BBS2: variants seen among roughly 807,000 people sequenced by gnomAD.
The protein encoded by BBS2 is Bardet-Biedl syndrome 2.
A neutral mutation model predicts 83.0 loss-of-function variants in BBS2; 62 were observed. That is an observed-to-expected ratio of 0.75 (90% CI 0.61 to 0.92). The LOEUF (loss-of-function observed/expected upper bound fraction) is 0.92, where lower values mean the gene tolerates loss of function less well. Among genes scored for constraint, BBS2 ranks in the 40% least tolerant of loss-of-function variants. The pLI, the probability that BBS2 is intolerant of heterozygous loss-of-function variation, is 0.00. For synonymous variants in BBS2, 303 were observed against 326.1 expected (o/e 0.93, Z 0.76); for missense variants, 784 against 901.0 (o/e 0.87, Z 1.66).
chr16:56,501,588 C>T, intron 9 of BBS2, 91 bp from the exon 10 acceptor site: 3 of 1,490,784 alleles, frequency 2.0e-6, no homozygotes, highest in Non-Finnish European at 2.8e-6. Flanking sequence ...CTTCAAAAGA[C>T]AGAGCCTCCA....
In BBS2 at chr16:56,509,969, C is replaced by A; in HGVS notation, c.600G>T (p.Met200Ile). The A allele has an allele frequency of 1.2e-6, 2 of 1,614,058 alleles. No homozygotes were observed. Among genetic ancestry groups the A allele is most frequent in the South Asian group, 1.1e-5 (1 of 91,052 alleles). The stretch of plus-strand genomic sequence containing the variant: ...TGGAGCTTCTTACCTCTGTTTCTGT[C>A]ATTTCTGCCACAATCTCATCTTCCT... ...VFKEDEIVAE[M>I]TETEIVTSLC... is the part of the protein sequence containing the mutation. Residue 200 changes from methionine to isoleucine, a missense_variant, in exon 5 of 17, where the codon ATG (methionine) becomes ATT (isoleucine). Met to Ile is a conservative substitution (Grantham distance 10). Transcript: ENST00000245157.
At chr16:56,480,684 T>C (rs1408260156), downstream of BBS2, among the ~76,000 whole-genome samples, 2 of 152,152 alleles carry the variant, frequency 1.3e-5, no homozygotes, top group South Asian at 2.1e-4. Flanking sequence ...ATAAGAAGTT[T>C]TGGGGTGCAT....
chr16:56,477,815 C>T (rs1437470797), intron 17 of BBS2: 1 of 152,114 alleles, frequency 6.6e-6, no homozygotes, highest in Non-Finnish European at 1.5e-5. Flanking sequence ...GGCCTTTAAA[C>T]TTCTTAACTA....
In BBS2 at chr16:56,502,798, C is replaced by T. The variant is rs762922907; in HGVS notation, c.815G>A (p.Arg272Gln). Residue 272 changes from arginine to glutamine, a missense_variant, in exon 8 of 17, where the codon CGA becomes CAA. Coordinates refer to ENST00000245157, the MANE Select transcript of BBS2 (RefSeq NM_031885.5). Reference sequence around the variant, plus strand: ...GATGACCTCCCCAGTTCGGTCACTTCGAGCATCAACCTACAAATAAAACAC... The same window carrying T: ...GATGACCTCCCCAGTTCGGTCACTTTGAGCATCAACCTACAAATAAAACAC... The part of the protein sequence containing the change: ...TGWSNGKVDA[R>Q]SDRTGEVIFK... 1.9e-5 allele frequency: 31 copies of T among 1,613,986 alleles called. No homozygotes were observed. The highest frequency in any genetic ancestry group is 8.9e-5 in the East Asian group (4 of 44,890).
chr16:56,509,838 G>T, intron 5 of BBS2, 119 bp downstream of exon 5: 1 of 984,140 alleles, frequency 1.0e-6, no homozygotes. Context: ...CCCTCCCCAA[G>T]CTTTTATCCT....
At chr16:56,496,180 A>C (rs566607749) in intron 15 of BBS2, among the ~76,000 whole-genome samples, 4 of 152,294 alleles carry the variant, frequency 2.6e-5, no homozygotes, top group Non-Finnish European at 1.5e-5. Flanking sequence ...TAATTTGTTA[A>C]CTATTTTACT....
chr16:56,470,937 TCTTTGGG>T, intron 17 of BBS2: 1 of 756,572 alleles, frequency 1.3e-6, no homozygotes, highest in Non-Finnish European at 2.1e-6. Context: ...AGGTCTCTGG[TCTTTGGG>T]AGCTTACATT....
chr16:56,472,534 A>G (rs1204065894), intron 17 of BBS2, among the ~76,000 whole-genome samples: 1 of 152,256 alleles, frequency 6.6e-6, no homozygotes, highest in African/African-American at 2.4e-5. Flanking sequence ...AGTGCTAAAC[A>G]TTGGCATAGC....
At chr16:56,476,428 T>C in intron 17 of BBS2, 1 of 363,990 alleles carries the variant, frequency 2.7e-6, no homozygotes. Flanking sequence ...TGGCTTTTTT[T>C]TTTTTAACAT....
downstream of BBS2, among the ~76,000 whole-genome samples, chr16:56,480,359 A>AACAAAAAAC (rs1555519792): frequency 7.0e-6 from 1 of 142,802 alleles, no homozygotes; most frequent in Non-Finnish European, 1.5e-5. Flanking sequence ...ACACAAAAAA[A>AACAAAAAAC]AAAAAACAAA....
intron 5 of BBS2, among the ~76,000 whole-genome samples, chr16:56,508,438 G>A (rs1173560458): frequency 1.3e-5 from 2 of 152,158 alleles, no homozygotes; most frequent in Admixed American, 6.5e-5. Context: ...CACTTACAAC[G>A]TTCACAAGCT....
chr16:56,478,834 A>C (rs932749461), intron 17 of BBS2: 1 of 152,170 alleles, frequency 6.6e-6, no homozygotes, highest in Admixed American at 6.5e-5. Context: ...TAGGAGCCCA[A>C]CTCTGATGTT....
intron 10 of BBS2, 67 bp from the exon 11 acceptor site, chr16:56,501,092 C>T (rs1179282230): frequency 7.1e-6 from 11 of 1,554,736 alleles, no homozygotes; most frequent in African/African-American, 2.7e-5. Context: ...GGGCAGATCA[C>T]GAGGTCAGGA....
At chr16:56,499,684 T>C in intron 12 of BBS2, 94 bp downstream of exon 12, 1 of 1,535,376 alleles carries the variant, frequency 6.5e-7, no homozygotes, top group Non-Finnish European at 9.0e-7. Context: ...CTGCTACCAA[T>C]ATAACACATT....
At chr16:56,517,152 G>A (rs537783247) in intron 1 of BBS2, among the ~76,000 whole-genome samples, 33 of 152,166 alleles carry the variant, frequency 2.2e-4, no homozygotes, top group South Asian at 6.2e-4. Flanking sequence ...CCTACATCCC[G>A]TCACAGAACA....
Position 56,506,161 on chromosome 16 carries a change from C to G in BBS2, c.676G>C (p.Val226Leu), listed in dbSNP as rs772124914. 1.9e-6 allele frequency: 3 copies of G among 1,613,960 alleles called. No individual in the cohort carries two copies. In the African/African-American group the frequency reaches 4.0e-5, roughly 22 times the overall value. ...CGGGATGTTTTGTCATAAACTCCAA[C>G]TGTGCCATTGGAAAGGGCATAACCA... ...RFGYALSNGT[V>L]GVYDKTSRYW... The change falls in exon 6 of 17, where the codon GTT becomes CTT. Residue 226 changes from valine (V) to leucine (L), a missense_variant. By Grantham distance (32) the Val-to-Leu change is conservative. Transcript: ENST00000245157.
At chr16:56,498,616 G>A (rs745928300) in intron 12 of BBS2, 48 bp from the exon 13 acceptor site, 19 of 1,608,328 alleles carry the variant, frequency 1.2e-5, no homozygotes, top group African/African-American at 4.0e-5. Flanking sequence ...AGGTACAGAC[G>A]TTCTTTTTTT....
downstream of BBS2, among the ~76,000 whole-genome samples, chr16:56,479,798 TG>T (rs1963616664): frequency 6.6e-6 from 1 of 152,230 alleles, no homozygotes; most frequent in Admixed American, 6.5e-5. Flanking sequence ...TTCCCCTGGA[TG>T]GATCTTCCTT....
chr16:56,471,986 C>G (rs758509283), intron 17 of BBS2, among the ~76,000 whole-genome samples: 1 of 151,114 alleles, frequency 6.6e-6, no homozygotes, highest in Non-Finnish European at 1.5e-5. Context: ...TTTTGAGACA[C>G]GGTCTTGCAC....
Sources: gnomAD v4.1 joint callset for allele counts (sites outside exome capture counted in the v4.1 genomes callset) on GRCh38, gnomAD v4.1.1 for gene constraint, MANE v1.5 for transcripts, NCBI Gene and HGNC (gene_info 2026-07-23, HGNC 2026-07-21) for gene names.